The following KDR variants were observed in gnomAD, a reference collection of about 807,000 sequenced individuals.
The protein encoded by KDR is vascular endothelial growth factor receptor 2.
Under a neutral mutation model 160.9 loss-of-function variants are expected in KDR, and 43 were observed. That is an observed-to-expected ratio of 0.27 (90% CI 0.21 to 0.34). KDR has a LOEUF of 0.34. Ranked by LOEUF, KDR falls within the 10% of genes least tolerant of loss-of-function variation. The probability of loss-of-function intolerance (pLI) is 1.00; values close to 1 mark genes in which losing one functional copy is unlikely to be tolerated. For synonymous variants in KDR, 617 were observed against 600.1 expected, an observed-to-expected ratio of 1.03 and a Z score of -0.41; for missense variants, 1,469 against 1,666.4, an observed-to-expected ratio of 0.88 and a Z score of 2.06.
chr4:55,090,556 TAAAC>T (rs1352362435), intron 22 of KDR, among the ~76,000 whole-genome samples: 2 of 152,214 alleles, frequency 1.3e-5, no homozygotes, highest in African/African-American at 4.8e-5. Context: ...CTGGCTCTGA[TAAAC>T]AATTCCCAAT....
Position 55,079,194 on chromosome 4 carries a change from A to G in KDR, c.*747T>C, listed in dbSNP as rs1719660149. 4.3e-6 allele frequency: 1 copy of G among 233,414 alleles called. No homozygotes were observed. The highest frequency in any genetic ancestry group is 2.2e-5 in the African/African-American group (1 of 45,362). The allele number at this position is 233,414 out of a possible 1,614,324, so 14.5% of individuals were successfully genotyped here. On this transcript the variant is annotated 3_prime_UTR_variant, in exon 30 of 30. Transcript: ENST00000263923. ...CTGGGAGACAAGGAGCCAGAGCTGC[A>G]TCATTTCCTTCCTGGGGCTTGGCCA...
In KDR at chr4:55,084,636, T is replaced by C. The variant is rs143039804; in HGVS notation, c.3663-2001A>G. Among the ~76,000 whole-genome samples the C allele has an allele frequency of 5.8e-3, 876 of 152,266 alleles. 12 individuals carry two copies. Among genetic ancestry groups the C allele is most frequent in the Admixed American group, 0.034 (521 of 15,292 alleles). ...CAAGGATTAGGGAGAAAATGGCTAA[T>C]AAAAGGTAGAACTGGGACTCAAACT... On this transcript the variant is annotated intron_variant, in intron 27 of 29. Transcript: ENST00000263923.
intron 27 of KDR, among the ~76,000 whole-genome samples, chr4:55,086,063 A>G (rs534103137): frequency 3.9e-5 from 6 of 152,288 alleles, no homozygotes; most frequent in African/African-American, 1.2e-4. Context: ...GTCACACTAA[A>G]AGGCCAGCTC....
chr4:55,081,103 A>G (rs1004889496), intron 29 of KDR, among the ~76,000 whole-genome samples: 1 of 152,266 alleles, frequency 6.6e-6, no homozygotes, highest in Non-Finnish European at 1.5e-5. Context: ...TGAATGAAAC[A>G]TATCATTGAC....
intron 27 of KDR, among the ~76,000 whole-genome samples, chr4:55,083,996 C>T (rs1719799889): frequency 1.3e-5 from 2 of 152,198 alleles, no homozygotes; most frequent in African/African-American, 2.4e-5. Context: ...GAAGCCCTCA[C>T]TGATAATCTG....
intron 9 of KDR, 138 bp downstream of exon 9, chr4:55,110,265 C>T (rs532721024): frequency 2.4e-5 from 21 of 883,576 alleles, no homozygotes; most frequent in South Asian, 1.0e-4. Flanking sequence ...AGCTTCACCA[C>T]GCCAGATGAC....
Position 55,078,485 on chromosome 4 carries a change from A to G in KDR, c.*1456T>C, listed in dbSNP as rs1211435451. ...GCAACCTTGCAAAGGGATTCCTTCAAGTTTTTCAATGTTCTTTAATAAAAT... is the reference window on the plus strand; with the variant it reads ...GCAACCTTGCAAAGGGATTCCTTCAGGTTTTTCAATGTTCTTTAATAAAAT... On this transcript the variant is annotated 3_prime_UTR_variant, in exon 30 of 30. Coordinates refer to ENST00000263923, the MANE Select transcript of KDR (RefSeq NM_002253.4). 4.3e-6 allele frequency: 1 copy of G among 232,250 alleles called. No homozygotes were observed. Among genetic ancestry groups the G allele is most frequent in the Non-Finnish European group, 8.5e-6 (1 of 117,456 alleles). The allele number at this position is 232,250 out of a possible 1,614,324, so 14.4% of individuals were successfully genotyped here. A position where few individuals can be genotyped will look rare whatever the true frequency, so the allele number is the denominator to read the frequency against.
Position 55,107,741 on chromosome 4 carries a change from G to T in KDR, c.1408C>A (p.Pro470Thr). ...WQLEEECANE[P>T]SQAVSVTNPY... is the part of the protein sequence containing the mutation. ...AGAGCATGTGGCCTTACTCACCTGG[G>T]CTCGTTGGCGCACTCTTCCTCCAAC... Residue 470 changes from proline to threonine, a missense_variant, in exon 10 of 30, where the codon CCC becomes ACC. Physicochemically the swap from Pro to Thr is conservative, Grantham distance 38. This residue lies in a region of KDR where 792 missense variants were observed against 840.9 expected (regional missense o/e 0.94). Transcript: ENST00000263923. 6.2e-7 allele frequency: 1 copy of T among 1,613,904 alleles called. No homozygotes were observed. Among genetic ancestry groups the T allele is most frequent in the Non-Finnish European group, 8.5e-7 (1 of 1,179,862 alleles).
chr4:55,094,951 T>G lies in KDR; in HGVS notation c.2822A>C (p.Lys941Thr). ...TTTCCCTTGACGGAATCGTGCCCCT[T>G]TGGTCTATAAAAAAGCAAAGGAACA... ...KRNEFVPYKTKGARFRQGKDY... is the reference protein window; with the variant it reads ...KRNEFVPYKTTGARFRQGKDY... The change falls in exon 21 of 30, where the codon AAA becomes ACA. Residue 941 changes from lysine (K) to threonine (T), a missense_variant. Lys to Thr is a moderately conservative substitution (Grantham distance 78). Coordinates refer to ENST00000263923, the MANE Select transcript of KDR (RefSeq NM_002253.4). 6.2e-7 allele frequency: 1 copy of G among 1,613,784 alleles called. No homozygotes were observed. The highest frequency in any genetic ancestry group is 1.3e-5 in the African/African-American group (1 of 74,992).
intron 27 of KDR, among the ~76,000 whole-genome samples, chr4:55,084,739 T>C: frequency 6.6e-6 from 1 of 151,876 alleles, no homozygotes; most frequent in Admixed American, 6.6e-5. Flanking sequence ...CTTGGAAGAG[T>C]ATCAGGAGGG....
At chr4:55,112,195 T>C (rs1720603746) in intron 7 of KDR, among the ~76,000 whole-genome samples, 1 of 152,162 alleles carries the variant, frequency 6.6e-6, no homozygotes, top group African/African-American at 2.4e-5. Flanking sequence ...AGTCCACTTA[T>C]AAGCAGATTT....
In KDR at chr4:55,102,378, G is replaced by T. The variant is rs1052130478; in HGVS notation, c.2118C>A (p.Thr706=). ...PQIMWFKDNE[T]LVEDSGIVLK... is the part of the protein sequence containing the mutation. Reference sequence around the variant, plus strand: ...TCTATTTACCTGAGTCTTCTACAAGGGTCTCATTATCTTTAAACCACATGA... The same window carrying T: ...TCTATTTACCTGAGTCTTCTACAAGTGTCTCATTATCTTTAAACCACATGA... Residue 706 remains threonine, a synonymous_variant, in exon 14 of 30, where the codon ACC becomes ACA. Transcript: ENST00000263923. 1.1e-5 allele frequency: 18 copies of T among 1,613,420 alleles called. No individual in the cohort carries two copies. The highest frequency in any genetic ancestry group is 1.4e-5 in the Non-Finnish European group (16 of 1,179,666).
At chr4:55,098,092 G>C in intron 17 of KDR, 45 bp downstream of exon 17, 1 of 1,609,482 alleles carries the variant, frequency 6.2e-7, no homozygotes, top group Non-Finnish European at 8.5e-7. Flanking sequence ...AGGAAGAGAT[G>C]GCCTGGTAAA....
chr4:55,101,950 TG>T lies in KDR; in HGVS notation c.2212del (p.Gln738ArgfsTer16). ...TGCACAGCCAAGAACACTGCATGCC[TG>T]GCAGGTGTAGAGGCCTTCGTCCTCC... ...RKEDEGLYTC[Q>X]ACSVLGCAKV... On this transcript the variant is annotated frameshift_variant, in exon 15 of 30. Transcript: ENST00000263923. LOFTEE classifies it high-confidence loss of function. The T allele has an allele frequency of 6.2e-7, 1 of 1,613,778 alleles. No individual in the cohort carries two copies. Among genetic ancestry groups the T allele is most frequent in the Non-Finnish European group, 8.5e-7 (1 of 1,179,758 alleles).
At position 55,079,735 on chromosome 4, in the gene KDR, G is replaced by A. The variant is rs1719681372; in HGVS notation, c.*206C>T. 1 of 618,146 alleles carries A rather than the reference G, an allele frequency of 1.6e-6. No homozygotes were observed. Among genetic ancestry groups the A allele is most frequent in the South Asian group, 1.9e-5 (1 of 52,786 alleles). 38.3% of individuals were successfully genotyped at this position (618,146 alleles called of 1,614,324 possible). A position where few individuals can be genotyped will look rare whatever the true frequency, so the allele number is the denominator to read the frequency against. The stretch of plus-strand genomic sequence containing the variant: ...GAAAAAGAGGATCAGGTCAACACTG[G>A]GAGAAGACACAGACACATTCTTGGG... On this transcript the variant is annotated 3_prime_UTR_variant, in exon 30 of 30. Coordinates refer to ENST00000263923, the MANE Select transcript of KDR (RefSeq NM_002253.4).
chr4:55,098,784 G>A lies in KDR; in HGVS notation c.2286C>T (p.Asn762=). The A allele has an allele frequency of 6.2e-7, 1 of 1,612,862 alleles. No individual in the cohort carries two copies. The highest frequency in any genetic ancestry group is 8.5e-7 in the Non-Finnish European group (1 of 1,179,114). Residue 762 remains asparagine, a synonymous_variant, in exon 16 of 30, where the codon AAC becomes AAT. Transcript: ENST00000263923. ...TGCCTACTAGAATAATGATTTCCAA[G>A]TTCGTCTTTTCCTGGGCACCTGGAA... ...FIIEGAQEKT[N]LEIIILVGTA...
At chr4:55,089,112 G>A in intron 25 of KDR, 139 bp from the exon 26 acceptor site, 1 of 746,438 alleles carries the variant, frequency 1.3e-6, no homozygotes, top group Non-Finnish European at 2.4e-6. Context: ...GTAAGACACA[G>A]AGTCCCATAC....
chr4:55,123,485 C>T (rs1720948678), intron 1 of KDR, among the ~76,000 whole-genome samples: 1 of 152,192 alleles, frequency 6.6e-6, no homozygotes, highest in Admixed American at 6.5e-5. Flanking sequence ...AAGGTATGTC[C>T]TTCATTCATA....
Position 55,101,925 on chromosome 4 carries a change from T to G in KDR, c.2238A>C (p.Ala746=). 1 of 1,613,676 alleles carries G rather than the reference T, an allele frequency of 6.2e-7. No homozygotes were observed. Among genetic ancestry groups the G allele is most frequent in the Non-Finnish European group, 8.5e-7 (1 of 1,179,730 alleles). ...TCQACSVLGC[A]KVEAFFIIEG... ...CTATTATGAAAAATGCCTCCACTTTTGCACAGCCAAGAACACTGCATGCCT... is the reference window on the plus strand; with the variant it reads ...CTATTATGAAAAATGCCTCCACTTTGGCACAGCCAAGAACACTGCATGCCT... The change falls in exon 15 of 30, where the codon GCA becomes GCC. Residue 746 remains alanine, a synonymous_variant. Transcript: ENST00000263923.
Sources: allele counts gnomAD v4.1 joint callset (sites outside exome capture counted in the v4.1 genomes callset), GRCh38; gene constraint gnomAD v4.1.1; regional missense constraint gnomAD v4.1.1; transcripts MANE v1.5; gene names NCBI Gene and HGNC (gene_info 2026-07-23, HGNC 2026-07-21).